The following MT1M variants were observed in gnomAD, a reference collection of about 807,000 sequenced individuals.
MT1M encodes metallothionein 1M, also known as metallothionein-1M.
In MT1M, 11 loss-of-function variants were observed where a neutral mutation model predicts 8.5. The ratio of observed to expected loss-of-function variants is 1.29; its 90% CI spans 0.81 to 2.14. The LOEUF is 2.14. Ranked by LOEUF, MT1M falls within the 30% of genes most tolerant of loss-of-function variation. The pLI, the probability that MT1M is intolerant of heterozygous loss-of-function variation, is 0.00. For missense variants in MT1M, 84 were observed against 76.6 expected (o/e 1.10, Z -0.36); for synonymous variants, 28 against 30.0 (o/e 0.93, Z 0.22).
In MT1M at chr16:56,632,848, T is replaced by A. The variant is rs568281806; in HGVS notation, c.28+89T>A. 24 of 1,532,056 alleles carry A rather than the reference T, an allele frequency of 1.6e-5. No individual in the cohort carries two copies. The African/African-American group carries it at 3.3e-4, about 21-fold the overall frequency. 94.9% of individuals were successfully genotyped at this position (1,532,056 alleles called of 1,614,324 possible). On this transcript the variant is annotated intron_variant, in intron 1 of 2. Coordinates refer to ENST00000379818, the MANE Select transcript of MT1M (RefSeq NM_176870.3). Reference sequence around the variant, plus strand: ...GGGTTTGAGGAGGTCGCATTTAAGTTCTGAGCGGAAGGGAATTCCTTTACT... The same window carrying A: ...GGGTTTGAGGAGGTCGCATTTAAGTACTGAGCGGAAGGGAATTCCTTTACT...
Position 56,633,407 on chromosome 16 carries a change from T to C in MT1M, c.94+2T>C. The stretch of plus-strand genomic sequence containing the variant: ...GCAAATGCACCTCCTGCAAGAAGAG[T>C]GAGTGCGGGGCCATCTCCAGGAATC... On this transcript the variant is annotated splice_donor_variant, in intron 2 of 2. Transcript: ENST00000379818. LOFTEE classifies it high-confidence loss of function. 1 of 1,613,938 alleles carries C rather than the reference T, an allele frequency of 6.2e-7. No individual in the cohort carries two copies. Among genetic ancestry groups the C allele is most frequent in the Non-Finnish European group, 8.5e-7 (1 of 1,180,004 alleles).
At chr16:56,633,450 T>C (rs1960316889) in intron 2 of MT1M, 45 bp downstream of exon 2, 12 of 1,614,066 alleles carry the variant, frequency 7.4e-6, no homozygotes, top group African/African-American at 1.3e-5. Flanking sequence ...GTGGCTGAGA[T>C]TGGGAGGGAA....
chr16:56,632,782 C>G, intron 1 of MT1M, 23 bp downstream of exon 1: 1 of 1,613,874 alleles, frequency 6.2e-7, no homozygotes. Context: ...GACCCTGCGC[C>G]CTAGGAATCC....
chr16:56,632,872 C>G, intron 1 of MT1M, 113 bp downstream of exon 1: 1 of 1,355,952 alleles, frequency 7.4e-7, no homozygotes, highest in South Asian at 1.2e-5. Context: ...AATTCCTTTA[C>G]TTCCTTAGGT....
chr16:56,633,627 G>C, intron 2 of MT1M, 124 bp from the exon 3 acceptor site: 1 of 1,600,978 alleles, frequency 6.2e-7, no homozygotes, highest in Non-Finnish European at 8.5e-7. Flanking sequence ...TTTCAGAACA[G>C]AGCTGTGCCA....
In MT1M at chr16:56,632,739, C is replaced by G. The variant is rs1288325768; in HGVS notation, c.8C>G (p.Pro3Arg). Residue 3 changes from proline (P) to arginine (R), a missense_variant, in exon 1 of 3, where the codon CCC becomes CGC. Transcript: ENST00000379818. ...GCCTTACCGCGGCTCGAAATGGACC[C>G]CAACTGCTCCTGCACCACTGGTAAG... MD[P>R]NCSCTTGVSC... is the part of the protein sequence containing the mutation. The G allele has an allele frequency of 1.2e-6, 2 of 1,613,692 alleles. No homozygotes were observed. The highest frequency in any genetic ancestry group is 1.7e-6 in the Non-Finnish European group (2 of 1,180,046).
At position 56,633,910 on chromosome 16, in the gene MT1M, G is replaced by T. The variant is rs1197582260; in HGVS notation, c.*68G>T. Reference sequence around the variant, plus strand: ...CACAACCTGGATTTTTTTTCAATACGATACTGAGCCATTTGCTGCATTTCT... The same window carrying T: ...CACAACCTGGATTTTTTTTCAATACTATACTGAGCCATTTGCTGCATTTCT... On this transcript the variant is annotated 3_prime_UTR_variant, in exon 3 of 3. Coordinates refer to ENST00000379818, the MANE Select transcript of MT1M (RefSeq NM_176870.3). 2.0e-6 allele frequency: 3 copies of T among 1,495,278 alleles called. No homozygotes were observed. Among genetic ancestry groups the T allele is most frequent in the South Asian group, 1.2e-5 (1 of 85,176 alleles). 92.6% of individuals were successfully genotyped at this position (1,495,278 alleles called of 1,614,324 possible). A position where few individuals can be genotyped will look rare whatever the true frequency, so the allele number is the denominator to read the frequency against.
At chr16:56,632,932 T>G (rs1960308029) in intron 1 of MT1M, among the ~76,000 whole-genome samples, 173 bp downstream of exon 1, 1 of 152,202 alleles carries the variant, frequency 6.6e-6, no homozygotes, top group Admixed American at 6.5e-5. Context: ...CTCCTGGGCC[T>G]CTGGGTCAGA....
At position 56,632,664 on chromosome 16, in the gene MT1M, G is replaced by A. The variant is rs1960303496; in HGVS notation, c.-68G>A. On this transcript the variant is annotated 5_prime_UTR_variant, in exon 1 of 3. Coordinates refer to ENST00000379818, the MANE Select transcript of MT1M (RefSeq NM_176870.3). ...GCCGCAGGCTGTGGCGCTCCACCAC[G>A]CCGTCCGGGTGGGCCTAGCAGTCGC... The A allele has an allele frequency of 6.2e-6, 10 of 1,601,088 alleles. No homozygotes were observed. In the Admixed American group the frequency reaches 1.7e-4, roughly 27 times the overall value.
rs1960323589 is a variant in MT1M at position 56,633,790 on chromosome 16, C to T, written c.134C>T (p.Ala45Val). Residue 45 changes from alanine to valine, a missense_variant, in exon 3 of 3, where the codon GCC (alanine) becomes GTC (valine). By Grantham distance (64) the Ala-to-Val change is moderately conservative. Transcript: ENST00000379818. ...TGCCCCGTGGGCTGTGCCAAGTGTG[C>T]CCACGGCTGTGTCTGCAAAGGGACG... ...SCCPVGCAKC[A>V]HGCVCKGTLE... The T allele has an allele frequency of 2.5e-6, 4 of 1,614,188 alleles. No individual in the cohort carries two copies. Among genetic ancestry groups the T allele is most frequent in the South Asian group, 2.2e-5 (2 of 91,084 alleles).
chr16:56,633,700 G>T, intron 2 of MT1M, 51 bp from the exon 3 acceptor site: 1 of 1,609,772 alleles, frequency 6.2e-7, no homozygotes, highest in South Asian at 1.1e-5. Context: ...ATTGGGGCAG[G>T]GCGGTGCCCG....
In MT1M at chr16:56,633,331, T is replaced by C; in HGVS notation, c.29-9T>C. On this transcript the variant is annotated splice_polypyrimidine_tract_variant and intron_variant, in intron 1 of 2. Transcript: ENST00000379818. ...CTCACTGCCCACTGCGTTTTTCTCT[T>C]CCTTGCAGGTGTCTCCTGCGCCTGC... The C allele has an allele frequency of 6.2e-7, 1 of 1,614,200 alleles. No individual in the cohort carries two copies. Among genetic ancestry groups the C allele is most frequent in the South Asian group, 1.1e-5 (1 of 91,088 alleles).
Position 56,633,794 on chromosome 16 carries a change from C to T in MT1M, c.138C>T (p.His46=), listed in dbSNP as rs780616487. The stretch of plus-strand genomic sequence containing the variant: ...CCGTGGGCTGTGCCAAGTGTGCCCA[C>T]GGCTGTGTCTGCAAAGGGACGTTGG... ...CCPVGCAKCA[H]GCVCKGTLEN... Residue 46 remains histidine (H), a synonymous_variant, in exon 3 of 3, where the codon CAC becomes CAT. Coordinates refer to ENST00000379818, the MANE Select transcript of MT1M (RefSeq NM_176870.3). 237 of 1,614,198 alleles carry T rather than the reference C, an allele frequency of 1.5e-4. No homozygotes were observed. Among genetic ancestry groups the T allele is most frequent in the Admixed American group, 5.0e-4 (30 of 60,024 alleles).
In MT1M at chr16:56,633,930, A is replaced by G; in HGVS notation, c.*88A>G. The G allele has an allele frequency of 1.5e-6, 2 of 1,355,864 alleles. No homozygotes were observed. The highest frequency in any genetic ancestry group is 1.5e-5 in the African/African-American group (1 of 68,772). 84.0% of individuals were successfully genotyped at this position (1,355,864 alleles called of 1,614,324 possible). On this transcript the variant is annotated 3_prime_UTR_variant, in exon 3 of 3. Transcript: ENST00000379818. Reference sequence around the variant, plus strand: ...AATACGATACTGAGCCATTTGCTGCATTTCTTTTTATATTAAATATGTGAG... The same window carrying G: ...AATACGATACTGAGCCATTTGCTGCGTTTCTTTTTATATTAAATATGTGAG...
chr16:56,633,340 G>A lies in MT1M; in HGVS notation c.29G>A (p.Gly10Asp). Residue 10 changes from glycine (G) to aspartate (D), a missense_variant and splice_region_variant, in exon 2 of 3, where the codon GGT (glycine) becomes GAT (aspartate). Gly to Asp is a moderately conservative substitution (Grantham distance 94). Coordinates refer to ENST00000379818, the MANE Select transcript of MT1M (RefSeq NM_176870.3). ...CACTGCGTTTTTCTCTTCCTTGCAG[G>A]TGTCTCCTGCGCCTGCACCGGCTCC... MDPNCSCTT[G>D]VSCACTGSCT... 2 of 1,614,226 alleles carry A rather than the reference G, an allele frequency of 1.2e-6. No individual in the cohort carries two copies. The highest frequency in any genetic ancestry group is 1.7e-6 in the Non-Finnish European group (2 of 1,180,042).
chr16:56,633,489 T>C, intron 2 of MT1M, 84 bp downstream of exon 2: 1 of 1,613,586 alleles, frequency 6.2e-7, no homozygotes, highest in Non-Finnish European at 8.5e-7. Context: ...TGCATCCTTC[T>C]GGGGAACTGG....
chr16:56,632,801 A>C (rs1284212787), intron 1 of MT1M, 42 bp downstream of exon 1: 4 of 1,613,262 alleles, frequency 2.5e-6, no homozygotes, highest in Non-Finnish European at 3.4e-6. Context: ...CCCATTTCCC[A>C]GCCCCAGTAC....
At chr16:56,633,520 C>T in intron 2 of MT1M, 115 bp downstream of exon 2, 1 of 1,603,530 alleles carries the variant, frequency 6.2e-7, no homozygotes, top group Non-Finnish European at 8.5e-7. Flanking sequence ...CCCTCATTGC[C>T]CGTGTCATTC....
At position 56,632,683 on chromosome 16, in the gene MT1M, C is replaced by A. The variant is rs1187523145; in HGVS notation, c.-49C>A. 2.5e-6 allele frequency: 4 copies of A among 1,611,570 alleles called. No individual in the cohort carries two copies. In the Admixed American group the frequency reaches 6.7e-5, roughly 27 times the overall value. ...CACCACGCCGTCCGGGTGGGCCTAG[C>A]AGTCGCTCCATTTATCGCTTGAGAT... On this transcript the variant is annotated 5_prime_UTR_variant, in exon 1 of 3. Coordinates refer to ENST00000379818, the MANE Select transcript of MT1M (RefSeq NM_176870.3).
Sources: allele counts gnomAD v4.1 joint callset (sites outside exome capture counted in the v4.1 genomes callset), GRCh38; gene constraint gnomAD v4.1.1; transcripts MANE v1.5; gene names NCBI Gene and HGNC (gene_info 2026-07-23, HGNC 2026-07-21).